SLIT2: variants seen among roughly 807,000 people sequenced by gnomAD.
SLIT2 encodes the protein slit homolog 2 protein.
Under a neutral mutation model 185.7 loss-of-function variants are expected in SLIT2, and 41 were observed. That is an observed-to-expected ratio of 0.22 (90% CI 0.17 to 0.29). SLIT2 has a LOEUF of 0.29. Ranked by LOEUF, SLIT2 falls within the 10% of genes least tolerant of loss-of-function variation. The pLI, the probability that SLIT2 is intolerant of heterozygous loss-of-function variation, is 1.00. For missense variants in SLIT2, 1,571 were observed against 1,909.0 expected, an observed-to-expected ratio of 0.82 and a Z score of 3.30; for synonymous variants, 693 against 680.2, an observed-to-expected ratio of 1.02 and a Z score of -0.29.
chr4:20,290,463 A>G (rs1243841853), intron 4 of SLIT2, among the ~76,000 whole-genome samples: 2 of 152,240 alleles, frequency 1.3e-5, no homozygotes, highest in African/African-American at 2.4e-5. Context: ...AGGATGTGTT[A>G]GGTTCTATTC....
rs77500795 is a variant in SLIT2 at position 20,521,720 on chromosome 4, C to G, written c.1131-2040C>G. Among the ~76,000 whole-genome samples, 550 of 152,174 alleles carry G rather than the reference C, an allele frequency of 3.6e-3. 14 individuals carry two copies. The East Asian group carries it at 0.047, about 13-fold the overall frequency. ...TACCGGAGGGAAGATGAAGCTTCAG[C>G]TCCTGATGGGGAATCAAAGAGCACA... is the stretch of plus-strand genomic sequence containing the variant. On this transcript the variant is annotated intron_variant, in intron 12 of 36. Coordinates refer to ENST00000504154, the MANE Select transcript of SLIT2 (RefSeq NM_004787.4).
chr4:20,253,648 C>T lies in SLIT2; in HGVS notation c.-168C>T. ...GGAGAGGGCGGTGGGAGGCGTGTGC[C>T]TGAGTGGGCTCTACTGCCTTGTTCC... On this transcript the variant is annotated 5_prime_UTR_variant, in exon 1 of 37. Transcript: ENST00000504154. 5.8e-6 allele frequency: 4 copies of T among 684,158 alleles called. No individual in the cohort carries two copies. Among genetic ancestry groups the T allele is most frequent in the East Asian group, 2.9e-5 (1 of 34,518 alleles). The allele number at this position is 684,158 out of a possible 1,614,324, so 42.4% of individuals were successfully genotyped here.
chr4:20,312,644 G>C (rs112245261), intron 4 of SLIT2, among the ~76,000 whole-genome samples: 7,640 of 151,076 alleles, frequency 0.051, 254 homozygotes, highest in Non-Finnish European at 0.073. Context: ...TTGTTGGCGC[G>C]CATCTGTAGT....
In SLIT2 at chr4:20,549,137, C is replaced by G; in HGVS notation, c.2489+9C>G. The G allele has an allele frequency of 6.5e-7, 1 of 1,526,914 alleles. No individual in the cohort carries two copies. The highest frequency in any genetic ancestry group is 9.1e-7 in the Non-Finnish European group (1 of 1,102,612). 94.6% of individuals were successfully genotyped at this position (1,526,914 alleles called of 1,614,324 possible). On this transcript the variant is annotated intron_variant, in intron 24 of 36. Transcript: ENST00000504154. ...AAGTCTCTTCGATTACTGTAAGCAT[C>G]TTGTGTTCAACAGAATATCTCTTTT...
At chr4:20,417,070 G>A (rs1265183784) in intron 4 of SLIT2, among the ~76,000 whole-genome samples, 3 of 150,940 alleles carry the variant, frequency 2.0e-5, no homozygotes, top group Non-Finnish European at 4.4e-5. Context: ...CTCTTTACTA[G>A]TCAGTAAGGT....
chr4:20,323,645 G>T (rs1304843448), intron 4 of SLIT2, among the ~76,000 whole-genome samples: 1 of 151,886 alleles, frequency 6.6e-6, no homozygotes, highest in East Asian at 1.9e-4. Context: ...AACCGTCTAA[G>T]GAAAATAAAT....
chr4:20,331,725 A>T (rs1720084799), intron 4 of SLIT2, among the ~76,000 whole-genome samples: 1 of 152,062 alleles, frequency 6.6e-6, no homozygotes, highest in African/African-American at 2.4e-5. Flanking sequence ...CCATCACCCC[A>T]TCTCACTTTT....
At chr4:20,552,575 C>G (rs1205447645) in intron 25 of SLIT2, 1 of 151,994 alleles carries the variant, frequency 6.6e-6, no homozygotes, top group Non-Finnish European at 1.5e-5. Context: ...GATCAAATGA[C>G]TAAAAAACAT....
At chr4:20,468,910 C>A (rs1025621630) in intron 5 of SLIT2, among the ~76,000 whole-genome samples, 2 of 150,170 alleles carry the variant, frequency 1.3e-5, no homozygotes, top group African/African-American at 4.9e-5. Flanking sequence ...AAGAAGACAA[C>A]TGTTTGTAAA....
intron 16 of SLIT2, among the ~76,000 whole-genome samples, chr4:20,530,434 C>A (rs749514047): frequency 2.0e-5 from 3 of 151,918 alleles, no homozygotes; most frequent in Non-Finnish European, 4.4e-5. Context: ...CAGGCATGCA[C>A]CACCACACCC....
rs1560455431 is a variant in SLIT2, at chr4:20,472,591, T to TATATCTATATATATCG, written c.467+4772_467+4773insCTATATATATCGATAT. 8.0e-4 allele frequency among the ~76,000 whole-genome samples: 12 copies of TATATCTATATATATCG among 14,986 alleles called. 4 individuals carry two copies. Among genetic ancestry groups the TATATCTATATATATCG allele is most frequent in the Non-Finnish European group, 1.0e-3 (10 of 9,604 alleles). 9.8% of individuals were successfully genotyped at this position (14,986 alleles called of 152,430 possible). A position where few individuals can be genotyped will look rare whatever the true frequency, so the allele number is the denominator to read the frequency against. On this transcript the variant is annotated intron_variant, in intron 5 of 36. Transcript: ENST00000504154. ...ATATATAGATATATCTATATATAGA[T>TATATCTATATATATCG]ATATATCTATAGATATATCTATATA...
chr4:20,395,009 T>A (rs1725771787), intron 4 of SLIT2, among the ~76,000 whole-genome samples: 1 of 151,872 alleles, frequency 6.6e-6, no homozygotes, highest in African/African-American at 2.4e-5. Context: ...TGACTCAGAG[T>A]CTCTGGTAGA....
At chr4:20,485,196 A>G (rs1369302698) in intron 6 of SLIT2, among the ~76,000 whole-genome samples, 2 of 152,024 alleles carry the variant, frequency 1.3e-5, no homozygotes, top group African/African-American at 4.8e-5. Flanking sequence ...CTTTCTTATC[A>G]CAACCAGATT....
intron 4 of SLIT2, among the ~76,000 whole-genome samples, chr4:20,464,002 C>T (rs1444192798): frequency 6.6e-6 from 1 of 152,068 alleles, no homozygotes; most frequent in African/African-American, 2.4e-5. Context: ...CCTCTCTGTC[C>T]CTTACCTAAT....
At chr4:20,491,728 G>GA in intron 8 of SLIT2, 33 bp from the exon 9 acceptor site, 1 of 1,592,544 alleles carries the variant, frequency 6.3e-7, no homozygotes, top group Non-Finnish European at 8.6e-7. Flanking sequence ...TATTCAGGAG[G>GA]AAAAATATAA....
chr4:20,324,939 A>C (rs1000708487), intron 4 of SLIT2, among the ~76,000 whole-genome samples: 1 of 152,078 alleles, frequency 6.6e-6, no homozygotes, highest in East Asian at 1.9e-4. Context: ...TACGTTAATT[A>C]TATTTTGCTT....
intron 4 of SLIT2, among the ~76,000 whole-genome samples, chr4:20,344,239 C>G (rs1048518383): frequency 6.6e-6 from 1 of 152,112 alleles, no homozygotes; most frequent in African/African-American, 2.4e-5. Context: ...TAGACAGACA[C>G]CTGATGAGAC....
intron 9 of SLIT2, among the ~76,000 whole-genome samples, chr4:20,503,651 A>G (rs73801827): frequency 0.075 from 11,428 of 152,168 alleles, 589 homozygotes; most frequent in South Asian, 0.22. Flanking sequence ...ATATGCATGA[A>G]AATTTTAACA....
chr4:20,266,916 G>T (rs922130130), intron 3 of SLIT2, among the ~76,000 whole-genome samples: 1 of 151,986 alleles, frequency 6.6e-6, no homozygotes, highest in African/African-American at 2.4e-5. Context: ...AACTGCCTCT[G>T]CAGGGCCCAG....
Sources: allele counts gnomAD v4.1 joint callset (sites outside exome capture counted in the v4.1 genomes callset), GRCh38; gene constraint gnomAD v4.1.1; transcripts MANE v1.5; gene names NCBI Gene and HGNC (gene_info 2026-07-23, HGNC 2026-07-21).